The following WIPF3 variants were observed in gnomAD, a reference collection of about 807,000 sequenced individuals.
WIPF3 encodes WAS/WASL-interacting protein family member 3.
WIPF3 carries 33 observed loss-of-function variants against 38.9 expected under a neutral mutation model. The ratio of observed to expected loss-of-function variants is 0.85; its 90% CI spans 0.64 to 1.14. WIPF3 has a LOEUF of 1.14. Among genes scored for constraint, WIPF3 ranks in the 50% most tolerant of loss-of-function variants. The pLI is 0.00. For missense variants in WIPF3, 711 were observed against 652.5 expected (o/e 1.09, Z -0.98); for synonymous variants, 324 against 269.3 (o/e 1.20, Z -1.99).
At chr7:29,847,959 C>T (rs1785028551) in intron 2 of WIPF3, among the ~76,000 whole-genome samples, 1 of 152,174 alleles carries the variant, frequency 6.6e-6, no homozygotes, top group African/African-American at 2.4e-5. Flanking sequence ...GAGGCTACTT[C>T]TGAGGCCTTC....
intron 2 of WIPF3, among the ~76,000 whole-genome samples, chr7:29,857,426 T>G (rs1479197280): frequency 6.6e-6 from 1 of 152,156 alleles, no homozygotes; most frequent in African/African-American, 2.4e-5. Context: ...AGACAGTGAT[T>G]TTCCCGCAGA....
Position 29,878,686 on chromosome 7 carries a change from T to C in WIPF3, c.224-323T>C, listed in dbSNP as rs1785656324. The stretch of plus-strand genomic sequence containing the variant: ...CACCTACCACATTTGGGTTTTCTAA[T>C]TCGAAGGTGCTGCCAGTTGCTCTGT... On this transcript the variant is annotated intron_variant, in intron 3 of 8. Coordinates refer to ENST00000242140, the MANE Select transcript of WIPF3 (RefSeq NM_001080529.3). This position sits in a 1 kb window ranked among gnomAD's most constrained non-coding sequence, Gnocchi z 4.0. Among the ~76,000 whole-genome samples, 1 of 152,228 alleles carries C rather than the reference T, an allele frequency of 6.6e-6. No homozygotes were observed. The highest frequency in any genetic ancestry group is 1.5e-5 in the Non-Finnish European group (1 of 68,040).
At position 29,829,218 on chromosome 7, in the gene WIPF3, T is replaced by A. The variant is rs1221823398; in HGVS notation, c.-57-5450T>A. ...TTTATCTGACTCCTGCTTTTTTTTT[T>A]TTTTTTTTTTTTGAGACAGAGTCTT... On this transcript the variant is annotated intron_variant, in intron 1 of 8. Transcript: ENST00000242140. 4.7e-5 allele frequency among the ~76,000 whole-genome samples: 7 copies of A among 147,776 alleles called. No individual in the cohort carries two copies. In the East Asian group the frequency reaches 1.2e-3, roughly 25 times the overall value.
At chr7:29,846,832 C>G (rs530682448) in intron 2 of WIPF3, among the ~76,000 whole-genome samples, 4 of 152,310 alleles carry the variant, frequency 2.6e-5, no homozygotes, top group Admixed American at 1.3e-4. Context: ...ATGGTGCAGC[C>G]TGGTGTATTA....
At chr7:29,841,679 G>A (rs1784915622) in intron 2 of WIPF3, among the ~76,000 whole-genome samples, 1 of 152,146 alleles carries the variant, frequency 6.6e-6, no homozygotes, top group African/African-American at 2.4e-5. Flanking sequence ...AGGTATGGTG[G>A]CGAGCACCTG....
intron 7 of WIPF3, among the ~76,000 whole-genome samples, chr7:29,896,282 GATCCTCTCT>G (rs1290954534): frequency 1.9e-4 from 3 of 15,852 alleles, no homozygotes; most frequent in Non-Finnish European, 7.0e-4. Context: ...GCAACAGTGA[GATCCTCTCT>G]AGCCTGCGCA....
At chr7:29,908,325 C>T (rs1054085821) in intron 8 of WIPF3, among the ~76,000 whole-genome samples, 1 of 152,154 alleles carries the variant, frequency 6.6e-6, no homozygotes, top group Non-Finnish European at 1.5e-5. Flanking sequence ...TATTAGTTCA[C>T]CTAATAACAG....
intron 6 of WIPF3, among the ~76,000 whole-genome samples, chr7:29,888,484 A>T (rs62457633): frequency 0.54 from 76,554 of 142,172 alleles, 20,315 homozygotes; most frequent in East Asian, 0.78. Flanking sequence ...AAACTGTGTG[A>T]GTGTGTGTGC....
In WIPF3 at chr7:29,883,915, A is replaced by T. The variant is rs1785776671; in HGVS notation, c.421A>T (p.Ser141Cys). Residue 141 changes from serine to cysteine, a missense_variant, in exon 5 of 9, where the codon AGC becomes TGC. Ser to Cys is a moderately radical substitution (Grantham distance 112, BLOSUM62 -1). Transcript: ENST00000242140. ...PSPRLPNKTISGPLIPPASPR... is the reference protein window; with the variant it reads ...PSPRLPNKTICGPLIPPASPR... ...TCCCAGGCTTCCCAACAAAACCATC[A>T]GCGGCCCGCTTATCCCGCCTGCCTC... The T allele has an allele frequency of 6.3e-7, 1 of 1,575,896 alleles. No individual in the cohort carries two copies. The highest frequency in any genetic ancestry group is 8.6e-7 in the Non-Finnish European group (1 of 1,161,012).
intron 7 of WIPF3, among the ~76,000 whole-genome samples, chr7:29,900,194 C>T (rs1421643480): frequency 1.3e-5 from 2 of 152,170 alleles, no homozygotes; most frequent in Admixed American, 6.5e-5. Flanking sequence ...GCCTCAGCCT[C>T]CCAAAGTGCT....
chr7:29,813,222 T>A (rs1253144135), intron 1 of WIPF3, among the ~76,000 whole-genome samples: 1 of 152,198 alleles, frequency 6.6e-6, no homozygotes, highest in African/African-American at 2.4e-5. Flanking sequence ...CCATCCTTAC[T>A]CATGTGGGTC....
intron 7 of WIPF3, among the ~76,000 whole-genome samples, chr7:29,897,479 T>C (rs1786175129): frequency 6.6e-6 from 1 of 152,238 alleles, no homozygotes; most frequent in Admixed American, 6.5e-5. Context: ...CAATTTTTAT[T>C]TTCTGTTTTT....
chr7:29,822,739 A>G (rs1784560744), intron 1 of WIPF3, among the ~76,000 whole-genome samples: 1 of 152,236 alleles, frequency 6.6e-6, no homozygotes, highest in Admixed American at 6.5e-5. Flanking sequence ...CTCATTCATT[A>G]AAGTGCAGAG....
At chr7:29,881,030 G>A (rs1181867712) in intron 4 of WIPF3, among the ~76,000 whole-genome samples, 2 of 152,096 alleles carry the variant, frequency 1.3e-5, no homozygotes, top group Non-Finnish European at 2.9e-5. Flanking sequence ...CTGGGCGCTT[G>A]CACCGACTCT....
intron 2 of WIPF3, among the ~76,000 whole-genome samples, chr7:29,845,234 C>T (rs1432541745): frequency 6.6e-6 from 1 of 152,170 alleles, no homozygotes; most frequent in East Asian, 1.9e-4. Context: ...GTTTTGTCTT[C>T]GTTTACAGCT....
rs913707137 is a variant in WIPF3 at position 29,844,013 on chromosome 7, A to G, written c.90+9199A>G. On this transcript the variant is annotated intron_variant, in intron 2 of 8. Transcript: ENST00000242140. This position sits in a 1 kb window ranked among gnomAD's most constrained non-coding sequence, Gnocchi z 4.8. ...TGGAGGGCTGGCTTGGCAGCCAGGA[A>G]GTCACGTTTCCTAGATTGTTTAATA... Among the ~76,000 whole-genome samples the G allele has an allele frequency of 6.6e-6, 1 of 151,976 alleles. No individual in the cohort carries two copies. Among genetic ancestry groups the G allele is most frequent in the African/African-American group, 2.4e-5 (1 of 41,464 alleles).
chr7:29,910,194 C>T (rs977923018), intron 8 of WIPF3, among the ~76,000 whole-genome samples: 4 of 151,776 alleles, frequency 2.6e-5, no homozygotes, highest in African/African-American at 9.7e-5. Context: ...TCATGTACCC[C>T]ATAAATATAT....
Position 29,890,923 on chromosome 7 carries a change from G to T in WIPF3, c.1351+1516G>T, listed in dbSNP as rs1405931104. 5.8e-5 allele frequency among the ~76,000 whole-genome samples: 8 copies of T among 138,034 alleles called. No homozygotes were observed. The South Asian group carries it at 1.2e-3, about 21-fold the overall frequency. The allele number at this position is 138,034 out of a possible 152,430, so 90.6% of individuals were successfully genotyped here. A position where few individuals can be genotyped will look rare whatever the true frequency, so the allele number is the denominator to read the frequency against. On this transcript the variant is annotated intron_variant, in intron 7 of 8. Coordinates refer to ENST00000242140, the MANE Select transcript of WIPF3 (RefSeq NM_001080529.3). ...CTGTGCTCAGGTGGGGGGAATGCGG[G>T]CCTGCCTTGTGCTCAGGTGGAGGGG...
At chr7:29,908,782 C>T (rs60673827) in intron 8 of WIPF3, among the ~76,000 whole-genome samples, 22,391 of 151,732 alleles carry the variant, frequency 0.15, 1,787 homozygotes, top group African/African-American at 0.19. Context: ...GTGGTGGGCA[C>T]GTGTAGTCCC....
Sources: allele counts gnomAD v4.1 joint callset (sites outside exome capture counted in the v4.1 genomes callset), GRCh38; gene constraint gnomAD v4.1.1; non-coding constraint Gnocchi (gnomAD v3.1); transcripts MANE v1.5; gene names NCBI Gene and HGNC (gene_info 2026-07-23, HGNC 2026-07-21).